Variants in MRPL43 observed in about 807,000 individuals in gnomAD.
The protein encoded by MRPL43 is large ribosomal subunit protein mL43.
Under a neutral mutation model 12.7 loss-of-function variants are expected in MRPL43, and 9 were observed. That is an observed-to-expected ratio of 0.71 (90% CI 0.43 to 1.24). The LOEUF is 1.24. Among genes scored for constraint, MRPL43 ranks in the 50% most tolerant of loss-of-function variants. The probability of loss-of-function intolerance (pLI) is 0.00; values close to 1 mark genes in which losing one functional copy is unlikely to be tolerated. For synonymous variants in MRPL43, 116 were observed against 96.4 expected (o/e 1.20, Z -1.19); for missense variants, 211 against 229.2 (o/e 0.92, Z 0.51).
downstream of MRPL43, chr10:100,981,144 A>G (rs1203558094): frequency 1.9e-6 from 3 of 1,614,114 alleles, no homozygotes; most frequent in Admixed American, 1.7e-5. Flanking sequence ...CCCCTTGTTC[A>G]TAAAACCTGA....
chr10:100,985,109 G>T (rs1401448436), downstream of MRPL43: 1 of 488,072 alleles, frequency 2.0e-6, no homozygotes. Flanking sequence ...GACCAACACT[G>T]CACTCAATGA....
At position 100,986,968 on chromosome 10, in the gene MRPL43, C is replaced by T; in HGVS notation, c.246G>A (p.Gly82=). Residue 82 remains glycine (G), a synonymous_variant, in exon 3 of 3, where the codon GGG becomes GGA. Transcript: ENST00000318364. The part of the protein sequence containing the change: ...VPRVVAEYLN[G]AVREESIHCK... ...AGTGGATGCTCTCCTCGCGCACAGC[C>T]CCGTTAACTGGCAGAAGAGGGGTGA... The T allele has an allele frequency of 6.2e-7, 1 of 1,606,480 alleles. No individual in the cohort carries two copies. The highest frequency in any genetic ancestry group is 1.6e-4 in the Middle Eastern group (1 of 6,062).
chr10:100,984,795 C>G (rs1403242646), downstream of MRPL43: 1 of 1,535,626 alleles, frequency 6.5e-7, no homozygotes, highest in Non-Finnish European at 8.7e-7. Flanking sequence ...AACGGGCCAG[C>G]CTGGGGAGGT....
chr10:100,984,329 C>T (rs1193893340), downstream of MRPL43: 5 of 1,437,374 alleles, frequency 3.5e-6, no homozygotes, highest in African/African-American at 1.4e-5. Flanking sequence ...CACATGTGAG[C>T]AGCCCAGGCC....
chr10:100,978,064 A>G (rs1276018234), downstream of MRPL43: 2 of 580,352 alleles, frequency 3.4e-6, no homozygotes, highest in Non-Finnish European at 6.1e-6. Context: ...TTCATAGATA[A>G]GGAGTGAATC....
downstream of MRPL43, chr10:100,978,058 T>C (rs1273195754): frequency 8.7e-6 from 5 of 576,858 alleles, no homozygotes; most frequent in African/African-American, 5.6e-5. Context: ...ATGTTCTTCA[T>C]AGATAAGGAG....
chr10:100,984,867 T>C (rs1564801584), downstream of MRPL43: 2 of 1,484,052 alleles, frequency 1.3e-6, no homozygotes, highest in Admixed American at 4.3e-5. Context: ...GCCTCCCCAC[T>C]CTCCTTGGTC....
downstream of MRPL43, chr10:100,984,763 A>C: frequency 1.3e-6 from 2 of 1,535,646 alleles, no homozygotes; most frequent in Admixed American, 3.9e-5. Context: ...CCATGTGGTG[A>C]CCTCTTTGTC....
In MRPL43 at chr10:100,986,565, A is replaced by G; in HGVS notation, c.*169T>C. ...GGTTCACAAGGTCACTGCCCCCAGA[A>G]GCAGGCACTGGAAAGAAACAGGCAG... is the stretch of plus-strand genomic sequence containing the variant. On this transcript the variant is annotated 3_prime_UTR_variant, in exon 3 of 3. Transcript: ENST00000318364. 6.3e-7 allele frequency: 1 copy of G among 1,574,852 alleles called. No individual in the cohort carries two copies. The highest frequency in any genetic ancestry group is 1.9e-5 in the Admixed American group (1 of 53,400).
At chr10:100,984,530 C>T, downstream of MRPL43, 3 of 1,536,206 alleles carry the variant, frequency 2.0e-6, no homozygotes, top group Non-Finnish European at 2.6e-6. Context: ...TGTCACCACC[C>T]TCTGCATGGC....
At chr10:100,984,325 T>C, downstream of MRPL43, 1 of 1,439,804 alleles carries the variant, frequency 6.9e-7, no homozygotes, top group Non-Finnish European at 9.1e-7. Flanking sequence ...GACCCACATG[T>C]GAGCAGCCCA....
downstream of MRPL43, chr10:100,978,677 G>C: frequency 6.3e-7 from 1 of 1,591,894 alleles, no homozygotes; most frequent in East Asian, 2.2e-5. Flanking sequence ...GGGGGGTAGG[G>C]GACTATTTCT....
At chr10:100,978,266 C>A (rs748118496), downstream of MRPL43, 3 of 1,574,654 alleles carry the variant, frequency 1.9e-6, no homozygotes, top group South Asian at 2.3e-5. Flanking sequence ...GTCTTCGGAA[C>A]CACTTACTGC....
downstream of MRPL43, chr10:100,980,110 C>T (rs1405002213): frequency 3.1e-6 from 5 of 1,613,792 alleles, no homozygotes; most frequent in Non-Finnish European, 4.2e-6. Context: ...CCACCTTCGT[C>T]CCCCACGCCA....
downstream of MRPL43, chr10:100,977,825 G>T: frequency 1.8e-6 from 2 of 1,092,226 alleles, no homozygotes. Flanking sequence ...GCCAGTGAAG[G>T]AGACGGATGG....
At chr10:100,981,082 G>C (rs1851047625), downstream of MRPL43, 20 of 1,603,962 alleles carry the variant, frequency 1.2e-5, no homozygotes, top group Admixed American at 1.7e-5. Flanking sequence ...GCAGGGGCTA[G>C]TTATTAGTAA....
chr10:100,986,156 A>G (rs988066660), downstream of MRPL43: 1 of 385,354 alleles, frequency 2.6e-6, no homozygotes, highest in Non-Finnish European at 3.9e-6. Context: ...TAGATTAATC[A>G]CTTGGCCTTT....
downstream of MRPL43, chr10:100,979,962 G>C (rs577628245): frequency 1.2e-6 from 2 of 1,614,114 alleles, no homozygotes; most frequent in African/African-American, 1.3e-5. Flanking sequence ...GTCGCTATGA[G>C]GGTGGGGTGC....
downstream of MRPL43, chr10:100,980,349 TTCTGATCCCAATC>T (rs1445862602): frequency 6.2e-7 from 1 of 1,611,712 alleles, no homozygotes; most frequent in Non-Finnish European, 8.5e-7. Flanking sequence ...GCACAGGTGC[TTCTGATCCCAATC>T]CCTGATCCCT....
Sources: allele counts gnomAD v4.1 joint callset, GRCh38; gene constraint gnomAD v4.1.1; transcripts MANE v1.5; gene names NCBI Gene and HGNC (gene_info 2026-07-23, HGNC 2026-07-21).